Variants in CNTNAP2 observed in about 807,000 individuals in gnomAD.
The protein encoded by CNTNAP2 is contactin associated protein 2, also known as contactin-associated protein-like 2.
A neutral mutation model predicts 155.2 loss-of-function variants in CNTNAP2; 98 were observed. The observed-to-expected ratio is 0.63, with a 90% CI of 0.54 to 0.75. The LOEUF (loss-of-function observed/expected upper bound fraction) is 0.75. Ranked by LOEUF, CNTNAP2 falls within the 30% of genes least tolerant of loss-of-function variation. The pLI is 0.00. For synonymous variants in CNTNAP2, 651 were observed against 631.2 expected (o/e 1.03, Z -0.47); for missense variants, 1,727 against 1,688.1 (o/e 1.02, Z -0.40).
At chr7:146,580,467 C>A (rs1296790725) in intron 1 of CNTNAP2, among the ~76,000 whole-genome samples, 1 of 62,100 alleles carries the variant, frequency 1.6e-5, no homozygotes. Flanking sequence ...GGTATTATCC[C>A]CAATTAAAAA....
chr7:147,179,707 G>A (rs1473194038), intron 8 of CNTNAP2, among the ~76,000 whole-genome samples: 1 of 152,100 alleles, frequency 6.6e-6, no homozygotes, highest in African/African-American at 2.4e-5. Flanking sequence ...TAAGTAGTTG[G>A]TAACTCAGTA....
At chr7:147,928,900 G>C (rs1800446745) in intron 14 of CNTNAP2, among the ~76,000 whole-genome samples, 1 of 151,864 alleles carries the variant, frequency 6.6e-6, no homozygotes, top group African/African-American at 2.4e-5. Context: ...AGATCAGCCT[G>C]ACCAACATGG....
intron 11 of CNTNAP2, among the ~76,000 whole-genome samples, chr7:147,520,133 G>A (rs955987064): frequency 6.6e-6 from 1 of 152,124 alleles, no homozygotes; most frequent in African/African-American, 2.4e-5. Flanking sequence ...AATATTAGAA[G>A]TATGAGAAGC....
intron 1 of CNTNAP2, among the ~76,000 whole-genome samples, chr7:146,603,176 AC>A (rs1238957114): frequency 6.6e-6 from 1 of 151,262 alleles, no homozygotes; most frequent in Non-Finnish European, 1.5e-5. Flanking sequence ...ACTTTGGGAG[AC>A]CAAGGCGGGC....
intron 14 of CNTNAP2, among the ~76,000 whole-genome samples, chr7:147,948,799 C>T (rs1800867617): frequency 6.6e-6 from 1 of 151,958 alleles, no homozygotes; most frequent in African/African-American, 2.4e-5. Context: ...CTACCGTTGA[C>T]TGGAAACCTT....
chr7:148,122,791 A>G (rs538310674), intron 16 of CNTNAP2, among the ~76,000 whole-genome samples: 4 of 152,026 alleles, frequency 2.6e-5, no homozygotes, highest in African/African-American at 7.2e-5. Flanking sequence ...AGATCCTTCA[A>G]TGAGCCGAGA....
intron 3 of CNTNAP2, among the ~76,000 whole-genome samples, chr7:146,993,832 A>G (rs1037397998): frequency 1.3e-5 from 2 of 152,108 alleles, no homozygotes; most frequent in African/African-American, 2.4e-5. Flanking sequence ...CATCTTGAGC[A>G]TTGCAAATTA....
At chr7:147,872,653 A>G (rs1461324282) in intron 13 of CNTNAP2, among the ~76,000 whole-genome samples, 1 of 152,246 alleles carries the variant, frequency 6.6e-6, no homozygotes, top group Admixed American at 6.5e-5. Context: ...AAAGAAAGTA[A>G]ATCTTGATTC....
At chr7:147,214,278 G>A (rs1157048005) in intron 8 of CNTNAP2, among the ~76,000 whole-genome samples, 1 of 152,228 alleles carries the variant, frequency 6.6e-6, no homozygotes, top group East Asian at 1.9e-4. Context: ...ACCATACGGT[G>A]AGACAGCAAA....
intron 1 of CNTNAP2, among the ~76,000 whole-genome samples, chr7:146,291,844 C>T (rs1462662094): frequency 6.6e-6 from 1 of 151,738 alleles, no homozygotes; most frequent in East Asian, 1.9e-4. Flanking sequence ...GATTTGACCC[C>T]AAAAGCATAA....
intron 1 of CNTNAP2, among the ~76,000 whole-genome samples, chr7:146,771,778 G>A (rs1802296837): frequency 6.6e-6 from 1 of 152,118 alleles, no homozygotes; most frequent in Admixed American, 6.6e-5. Flanking sequence ...GGGGACTTAA[G>A]TGAATTTACA....
intron 1 of CNTNAP2, among the ~76,000 whole-genome samples, chr7:146,375,981 C>G (rs562341004): frequency 6.6e-6 from 1 of 152,326 alleles, no homozygotes; most frequent in Admixed American, 6.5e-5. Flanking sequence ...GAAAGTCACA[C>G]AACCAGGTTG....
At chr7:146,143,263 A>G (rs1368888058) in intron 1 of CNTNAP2, among the ~76,000 whole-genome samples, 1 of 152,220 alleles carries the variant, frequency 6.6e-6, no homozygotes, top group Non-Finnish European at 1.5e-5. Context: ...TGCCAGTTTA[A>G]AAGTCTTTGA....
intron 11 of CNTNAP2, among the ~76,000 whole-genome samples, chr7:147,516,424 C>T (rs1225795439): frequency 6.6e-6 from 1 of 152,030 alleles, no homozygotes; most frequent in South Asian, 2.1e-4. Flanking sequence ...TTATTAGGGG[C>T]CAATATTAAA....
At chr7:146,160,703 ATAAT>A (rs1350463808) in intron 1 of CNTNAP2, among the ~76,000 whole-genome samples, 1 of 152,146 alleles carries the variant, frequency 6.6e-6, no homozygotes, top group Non-Finnish European at 1.5e-5. Flanking sequence ...AATTCAGGCA[ATAAT>A]TAATAGCCTA....
At chr7:147,736,278 T>C (rs1796841894) in intron 13 of CNTNAP2, among the ~76,000 whole-genome samples, 1 of 152,104 alleles carries the variant, frequency 6.6e-6, no homozygotes, top group Non-Finnish European at 1.5e-5. Flanking sequence ...CCTTCACTTA[T>C]GAAGCTTAGT....
At chr7:146,907,977 C>G (rs1486075304) in intron 3 of CNTNAP2, among the ~76,000 whole-genome samples, 2 of 152,072 alleles carry the variant, frequency 1.3e-5, no homozygotes, top group Non-Finnish European at 2.9e-5. Flanking sequence ...AAATAGAAAA[C>G]TAAAAAAGGC....
intron 1 of CNTNAP2, among the ~76,000 whole-genome samples, chr7:146,307,240 A>G (rs563917536): frequency 4.8e-4 from 73 of 152,208 alleles, no homozygotes; most frequent in African/African-American, 1.7e-3. Context: ...TTGCTTCAAA[A>G]AGAATAAAAT....
Position 148,367,659 on chromosome 7 carries a change from T to G in CNTNAP2, c.3476-15990T>G, listed in dbSNP as rs1585313677. ...TCTCTTGTTATCCAGAAAACCATAT[T>G]TTCTAGGCAGATTCATTTCCCCCAA... On this transcript the variant is annotated intron_variant, in intron 21 of 23. Transcript: ENST00000361727. Among the ~76,000 whole-genome samples the G allele has an allele frequency of 2.0e-5, 3 of 152,272 alleles. No homozygotes were observed. In the Middle Eastern group the frequency reaches 0.01, roughly 518 times the overall value.
Sources: gnomAD v4.1 joint callset for allele counts (sites outside exome capture counted in the v4.1 genomes callset) on GRCh38, gnomAD v4.1.1 for gene constraint, MANE v1.5 for transcripts, NCBI Gene and HGNC (gene_info 2026-07-23, HGNC 2026-07-21) for gene names.